The following DAPP1 variants were observed in gnomAD, a reference collection of about 807,000 sequenced individuals.
DAPP1 encodes the protein dual adapter for phosphotyrosine and 3-phosphotyrosine and 3-phosphoinositide.
In DAPP1, 20 loss-of-function variants were observed where a neutral mutation model predicts 41.5. The observed-to-expected ratio is 0.48, with a 90% CI of 0.34 to 0.70. The LOEUF (loss-of-function observed/expected upper bound fraction) is 0.70. Ranked by LOEUF, DAPP1 falls within the 30% of genes least tolerant of loss-of-function variation. The pLI is 0.01. For synonymous variants in DAPP1, 113 were observed against 116.2 expected (o/e 0.97, Z 0.18); for missense variants, 233 against 333.4 (o/e 0.70, Z 2.35).
At chr4:99,856,997 T>C (rs1230259209) in intron 4 of DAPP1, among the ~76,000 whole-genome samples, 2 of 152,226 alleles carry the variant, frequency 1.3e-5, no homozygotes, top group African/African-American at 4.8e-5. Flanking sequence ...AAGCATACTT[T>C]AAATATCAGT....
chr4:99,853,519 A>G (rs939040074), intron 4 of DAPP1, among the ~76,000 whole-genome samples, 171 bp downstream of exon 4: 5 of 152,224 alleles, frequency 3.3e-5, no homozygotes, highest in Non-Finnish European at 7.3e-5. Flanking sequence ...GGTCCTGGGT[A>G]GATCATAAAA....
Position 99,816,855 on chromosome 4 carries a change from G to C in DAPP1, c.-59G>C, listed in dbSNP as rs1424755921. On this transcript the variant is annotated 5_prime_UTR_variant, in exon 1 of 9. Transcript: ENST00000512369. ...ATAGCAGGCTGCTGTCTCACAGAGC[G>C]AGAAGGTGTCAGGAGCAGCCCAGTT... 1 of 1,450,364 alleles carries C rather than the reference G, an allele frequency of 6.9e-7. No homozygotes were observed. 89.8% of individuals were successfully genotyped at this position (1,450,364 alleles called of 1,614,324 possible). A position where few individuals can be genotyped will look rare whatever the true frequency, so the allele number is the denominator to read the frequency against.
At chr4:99,847,296 A>G (rs777417129) in intron 3 of DAPP1, among the ~76,000 whole-genome samples, 7 of 152,208 alleles carry the variant, frequency 4.6e-5, no homozygotes, top group Non-Finnish European at 1.0e-4. Context: ...TACCAAACCA[A>G]TGCCTAAGAA....
At position 99,870,049 on chromosome 4, in the gene DAPP1, T is replaced by C. The variant is rs558602582; in HGVS notation, c.*1864T>C. ...CAAATGTGTTTCTTTGGGTGGGTAATATTGTGTTTTACTATGTTTACCTTT... is the reference window on the plus strand; with the variant it reads ...CAAATGTGTTTCTTTGGGTGGGTAACATTGTGTTTTACTATGTTTACCTTT... On this transcript the variant is annotated 3_prime_UTR_variant, in exon 9 of 9. Transcript: ENST00000512369. The C allele has an allele frequency of 6.6e-6, 1 of 152,196 alleles. No individual in the cohort carries two copies. Among genetic ancestry groups the C allele is most frequent in the Non-Finnish European group, 1.5e-5 (1 of 68,036 alleles). 9.4% of individuals were successfully genotyped at this position (152,196 alleles called of 1,614,324 possible).
At chr4:99,823,555 TCTC>T in intron 1 of DAPP1, among the ~76,000 whole-genome samples, 1 of 152,310 alleles carries the variant, frequency 6.6e-6, no homozygotes, top group Middle Eastern at 3.4e-3. Context: ...TTTTCCATCA[TCTC>T]CTTCTTGATC....
intron 2 of DAPP1, among the ~76,000 whole-genome samples, chr4:99,838,791 C>T (rs1214646821): frequency 6.6e-6 from 1 of 152,156 alleles, no homozygotes; most frequent in Admixed American, 6.5e-5. Flanking sequence ...ATTACAGCCT[C>T]ACAGAGCCAA....
intron 2 of DAPP1, among the ~76,000 whole-genome samples, chr4:99,838,375 T>TA: frequency 6.6e-6 from 1 of 152,312 alleles, no homozygotes. Flanking sequence ...AATATTCACT[T>TA]ATTTGTTCAT....
chr4:99,862,144 C>A (rs1436215721), intron 5 of DAPP1, among the ~76,000 whole-genome samples: 1 of 152,088 alleles, frequency 6.6e-6, no homozygotes, highest in Non-Finnish European at 1.5e-5. Context: ...GCCAAGAAGA[C>A]CTTCATGGAA....
At chr4:99,859,365 G>A (rs985689570) in intron 4 of DAPP1, among the ~76,000 whole-genome samples, 3 of 152,050 alleles carry the variant, frequency 2.0e-5, no homozygotes, top group Admixed American at 6.5e-5. Context: ...TCTAGAAATC[G>A]ACATCTAGGT....
intron 2 of DAPP1, 29 bp downstream of exon 2, chr4:99,835,774 A>G: frequency 6.2e-7 from 1 of 1,608,604 alleles, no homozygotes; most frequent in Non-Finnish European, 8.5e-7. Flanking sequence ...CTACGACTTC[A>G]GCATGGGCTC....
intron 4 of DAPP1, among the ~76,000 whole-genome samples, chr4:99,854,331 A>G (rs1310123449): frequency 6.6e-6 from 1 of 152,222 alleles, no homozygotes; most frequent in African/African-American, 2.4e-5. Flanking sequence ...AGAAACCTCT[A>G]TTTGGGCAGA....
intron 8 of DAPP1, 65 bp downstream of exon 8, chr4:99,866,186 A>T: frequency 1.1e-6 from 1 of 905,210 alleles, no homozygotes; most frequent in Non-Finnish European, 1.8e-6. Context: ...TTTCAAACAT[A>T]TTTCTATCAA....
intron 4 of DAPP1, among the ~76,000 whole-genome samples, chr4:99,857,486 C>A (rs1266663126): frequency 6.6e-6 from 1 of 151,998 alleles, no homozygotes; most frequent in Non-Finnish European, 1.5e-5. Context: ...TTTAACAACT[C>A]CCTCCTTCTA....
At chr4:99,848,218 A>G (rs756811239) in intron 3 of DAPP1, among the ~76,000 whole-genome samples, 1 of 147,406 alleles carries the variant, frequency 6.8e-6, no homozygotes, top group Non-Finnish European at 1.5e-5. Flanking sequence ...AAGAACAGGG[A>G]ACAGGAGCAG....
At chr4:99,865,780 C>G (rs1361824500) in intron 7 of DAPP1, 2 of 150,604 alleles carry the variant, frequency 1.3e-5, no homozygotes, top group Non-Finnish European at 2.9e-5. Flanking sequence ...CTACAACTTC[C>G]TTAACATTTC....
chr4:99,818,040 ATC>A (rs1246841298), intron 1 of DAPP1, among the ~76,000 whole-genome samples: 2 of 152,152 alleles, frequency 1.3e-5, no homozygotes, highest in Non-Finnish European at 2.9e-5. Flanking sequence ...TAGAGTTGAA[ATC>A]TCTCTGTGTT....
chr4:99,840,306 A>G lies in DAPP1; in HGVS notation c.242A>G (p.Lys81Arg). Reference sequence around the variant, plus strand: ...CCTTTTAGGGCCAAAGATTCTGTTAAACACTTTCATGTTGAATATACTGGA... The same window carrying G: ...CCTTTTAGGGCCAAAGATTCTGTTAGACACTTTCATGTTGAATATACTGGA... The part of the protein sequence containing the change: ...SLSVRAKDSV[K>R]HFHVEYTGYS... The change falls in exon 3 of 9, where the codon AAA becomes AGA. Residue 81 changes from lysine to arginine, a missense_variant. Physicochemically the swap from Lys to Arg is conservative, Grantham distance 26 (BLOSUM62 2). Transcript: ENST00000512369. 1.9e-6 allele frequency: 3 copies of G among 1,573,370 alleles called. No individual in the cohort carries two copies. The highest frequency in any genetic ancestry group is 2.6e-6 in the Non-Finnish European group (3 of 1,156,518).
intron 3 of DAPP1, among the ~76,000 whole-genome samples, chr4:99,849,096 C>T (rs1017242274): frequency 6.6e-6 from 1 of 151,784 alleles, no homozygotes; most frequent in Admixed American, 6.6e-5. Flanking sequence ...ATCTTCATCT[C>T]ACAATTTAGT....
At chr4:99,851,955 C>T (rs931145726) in intron 3 of DAPP1, among the ~76,000 whole-genome samples, 1 of 152,040 alleles carries the variant, frequency 6.6e-6, no homozygotes, top group Non-Finnish European at 1.5e-5. Context: ...AGGTTCTATA[C>T]TCTCCAGATC....
Sources: allele counts gnomAD v4.1 joint callset (sites outside exome capture counted in the v4.1 genomes callset), GRCh38; gene constraint gnomAD v4.1.1; transcripts MANE v1.5; gene names NCBI Gene and HGNC (gene_info 2026-07-23, HGNC 2026-07-21).